The following PIWIL2 variants were observed in gnomAD, a reference collection of about 807,000 sequenced individuals.
PIWIL2 encodes piwi like RNA-mediated gene silencing 2.
In PIWIL2, 81 loss-of-function variants were observed where a neutral mutation model predicts 116.5. That is an observed-to-expected ratio of 0.70 (90% CI 0.58 to 0.84). The LOEUF is 0.84. Ranked by LOEUF, PIWIL2 falls within the 40% of genes least tolerant of loss-of-function variation. The probability of loss-of-function intolerance (pLI) is 0.00; values close to 1 mark genes in which losing one functional copy is unlikely to be tolerated. For synonymous variants in PIWIL2, 489 were observed against 429.5 expected, an observed-to-expected ratio of 1.14 and a Z score of -1.71; for missense variants, 1,272 against 1,212.3, an observed-to-expected ratio of 1.05 and a Z score of -0.73.
At chr8:22,336,050 T>C (rs1831974917) in intron 20 of PIWIL2, among the ~76,000 whole-genome samples, 1 of 152,134 alleles carries the variant, frequency 6.6e-6, no homozygotes, top group African/African-American at 2.4e-5. Context: ...CAGCAATAGT[T>C]TGAGACTTCA....
chr8:22,323,553 T>C (rs1320933491), intron 20 of PIWIL2, among the ~76,000 whole-genome samples: 2 of 152,188 alleles, frequency 1.3e-5, no homozygotes, highest in East Asian at 3.9e-4. Context: ...TAAATCAGTG[T>C]TACATCTTGG....
At chr8:22,281,559 A>T in intron 4 of PIWIL2, 44 bp downstream of exon 4, 5 of 1,479,314 alleles carry the variant, frequency 3.4e-6, no homozygotes, top group Non-Finnish European at 4.5e-6. Context: ...ATTCAGATGG[A>T]ATATCTCTGT....
Position 22,325,185 on chromosome 8 carries a change from T to C in PIWIL2, c.2403+6910T>C, listed in dbSNP as rs1287206571. ...ACATCCTGCCCCCAGGGAAGAATTA[T>C]AAAGTCACAATAGCATCCTGCCCAC... On this transcript the variant is annotated intron_variant, in intron 20 of 22. Coordinates refer to ENST00000356766, the MANE Select transcript of PIWIL2 (RefSeq NM_018068.5). 8.5e-5 allele frequency among the ~76,000 whole-genome samples: 13 copies of C among 152,280 alleles called. No homozygotes were observed. The South Asian group carries it at 2.1e-3, about 24-fold the overall frequency.
At chr8:22,281,352 G>T (rs1198898394) in intron 3 of PIWIL2, 25 bp from the exon 4 acceptor site, 1 of 1,601,028 alleles carries the variant, frequency 6.2e-7, no homozygotes, top group African/African-American at 1.4e-5. Flanking sequence ...CATAGTCATT[G>T]CTGGGGTTCG....
chr8:22,314,476 C>A, intron 17 of PIWIL2, 47 bp downstream of exon 17: 1 of 977,254 alleles, frequency 1.0e-6, no homozygotes, highest in Non-Finnish European at 1.5e-6. Flanking sequence ...CTCTCGCCTC[C>A]CCGAGGCTTG....
intron 17 of PIWIL2, 86 bp downstream of exon 17, chr8:22,314,515 C>T: frequency 1.7e-6 from 1 of 592,876 alleles, no homozygotes; most frequent in East Asian, 3.0e-5. Flanking sequence ...TTCACAAAGA[C>T]TAAAGTAGCT....
intron 14 of PIWIL2, 96 bp from the exon 15 acceptor site, chr8:22,309,865 G>A (rs2132040946): frequency 1.5e-6 from 1 of 688,900 alleles, no homozygotes; most frequent in Non-Finnish European, 2.6e-6. Flanking sequence ...ACAAGTGTCT[G>A]TGGTGGAGCT....
chr8:22,305,414 G>C (rs1422636923), intron 12 of PIWIL2, among the ~76,000 whole-genome samples: 1 of 151,918 alleles, frequency 6.6e-6, no homozygotes, highest in African/African-American at 2.4e-5. Context: ...GGATAGTCTC[G>C]ATCTCCTGAC....
Position 22,354,284 on chromosome 8 carries a change from C to G in PIWIL2, c.2671C>G (p.Leu891Val). 2 of 1,611,418 alleles carry G rather than the reference C, an allele frequency of 1.2e-6. No homozygotes were observed. The highest frequency in any genetic ancestry group is 1.7e-6 in the Non-Finnish European group (2 of 1,177,586). Reference protein sequence around the residue: ...ITSCEWVDFYLLAHHVRQGCG... With the variant: ...ITSCEWVDFYVLAHHVRQGCG... ...TTTCCTTCCTAGGGTGGATTTCTAT[C>G]TTCTTGCCCATCATGTACGGCAGGG... The change falls in exon 22 of 23, where the codon CTT becomes GTT. Residue 891 changes from leucine to valine, a missense_variant. Leu to Val is a conservative substitution (Grantham distance 32, BLOSUM62 1). Coordinates refer to ENST00000356766, the MANE Select transcript of PIWIL2 (RefSeq NM_018068.5).
At chr8:22,293,258 A>G (rs898046767) in intron 10 of PIWIL2, among the ~76,000 whole-genome samples, 2 of 151,998 alleles carry the variant, frequency 1.3e-5, no homozygotes, top group Admixed American at 6.5e-5. Context: ...GCAATGTGCT[A>G]TGGTAGTGCT....
rs931096325 is a variant in PIWIL2, at chr8:22,355,923, A to C, written c.*418A>C. On this transcript the variant is annotated 3_prime_UTR_variant, in exon 23 of 23. Transcript: ENST00000356766. ...CCCGTCTCTACTAAAATACAAAAAA[A>C]TTAGCCGGGTGTGGCGGTGCACGCC... 1 of 176,840 alleles carries C rather than the reference A, an allele frequency of 5.7e-6. No individual in the cohort carries two copies. Among genetic ancestry groups the C allele is most frequent in the African/African-American group, 2.3e-5 (1 of 42,560 alleles). 11.0% of individuals were successfully genotyped at this position (176,840 alleles called of 1,614,324 possible).
intron 16 of PIWIL2, among the ~76,000 whole-genome samples, chr8:22,313,296 G>T (rs954918543): frequency 6.6e-6 from 1 of 152,200 alleles, no homozygotes; most frequent in African/African-American, 2.4e-5. Context: ...GCCAGGAGGG[G>T]AGTGAAATGA....
chr8:22,349,433 A>G (rs911089058), intron 20 of PIWIL2, among the ~76,000 whole-genome samples: 4 of 147,304 alleles, frequency 2.7e-5, no homozygotes, highest in African/African-American at 9.9e-5. Flanking sequence ...ATATATATAT[A>G]TATATATATA....
chr8:22,289,360 C>T (rs544441871), intron 8 of PIWIL2, among the ~76,000 whole-genome samples: 2 of 152,074 alleles, frequency 1.3e-5, no homozygotes, highest in Non-Finnish European at 2.9e-5. Flanking sequence ...ATCTTGTTGG[C>T]CAGGATGGTC....
chr8:22,305,932 A>T lies in PIWIL2; in HGVS notation c.1461A>T (p.Leu487=). The change falls in exon 13 of 23, where the codon CTA becomes CTT. Residue 487 remains leucine, a synonymous_variant. Coordinates refer to ENST00000356766, the MANE Select transcript of PIWIL2 (RefSeq NM_018068.5). ...SERQDNHGML[L]KGEILLLPEL... is the part of the protein sequence containing the mutation. ...TCTTCGTTCTCTCTTCAAAGCTGCTAAAAGGGGAAATCCTGCTGCTGCCTG... is the reference window on the plus strand; with the variant it reads ...TCTTCGTTCTCTCTTCAAAGCTGCTTAAAGGGGAAATCCTGCTGCTGCCTG... 6.2e-7 allele frequency: 1 copy of T among 1,613,132 alleles called. No homozygotes were observed. The highest frequency in any genetic ancestry group is 2.2e-5 in the East Asian group (1 of 44,876).
chr8:22,348,268 C>A (rs1190910468), intron 20 of PIWIL2, among the ~76,000 whole-genome samples: 1 of 152,128 alleles, frequency 6.6e-6, no homozygotes, highest in Non-Finnish European at 1.5e-5. Flanking sequence ...CCATTGCACT[C>A]TAGCCTGGGT....
chr8:22,316,379 G>T, intron 19 of PIWIL2, 46 bp downstream of exon 19: 1 of 1,069,292 alleles, frequency 9.4e-7, no homozygotes, highest in East Asian at 2.4e-5. Flanking sequence ...TTTCATTTTA[G>T]TGCCTAATCT....
At chr8:22,276,502 G>A (rs1216027159) in intron 1 of PIWIL2, among the ~76,000 whole-genome samples, 1 of 152,132 alleles carries the variant, frequency 6.6e-6, no homozygotes, top group African/African-American at 2.4e-5. Flanking sequence ...TTTTAGTAGA[G>A]ATGAGGGTTC....
chr8:22,306,253 A>G (rs1331327756), intron 13 of PIWIL2, among the ~76,000 whole-genome samples: 1 of 152,214 alleles, frequency 6.6e-6, no homozygotes, highest in African/African-American at 2.4e-5. Flanking sequence ...TTAGAACAGT[A>G]GAGGGACTGG....
Sources: gnomAD v4.1 joint callset for allele counts (sites outside exome capture counted in the v4.1 genomes callset) on GRCh38, gnomAD v4.1.1 for gene constraint, MANE v1.5 for transcripts, NCBI Gene and HGNC (gene_info 2026-07-23, HGNC 2026-07-21) for gene names.